GNA12: variants seen among roughly 807,000 people sequenced by gnomAD.
The protein encoded by GNA12 is G protein subunit alpha 12.
GNA12 carries 9 observed loss-of-function variants against 26.0 expected under a neutral mutation model. The ratio of observed to expected loss-of-function variants is 0.35; its 90% CI spans 0.21 to 0.60. The LOEUF is 0.60. GNA12 is among the 20% of genes least tolerant of loss of function. The probability of loss-of-function intolerance (pLI) is 0.78; values close to 1 mark genes in which losing one functional copy is unlikely to be tolerated. For synonymous variants in GNA12, 264 were observed against 219.6 expected (o/e 1.20, Z -1.79); for missense variants, 405 against 525.8 (o/e 0.77, Z 2.25).
chr7:2,762,306 C>T, intron 2 of GNA12: 1 of 291,210 alleles, frequency 3.4e-6, no homozygotes, highest in Non-Finnish European at 6.3e-6. Context: ...CGTGCACCCA[C>T]CACTCACGCC....
At chr7:2,786,111 TG>T (rs1792355165) in intron 2 of GNA12, among the ~76,000 whole-genome samples, 1 of 152,074 alleles carries the variant, frequency 6.6e-6, no homozygotes, top group African/African-American at 2.4e-5. Context: ...GAGGCCATGG[TG>T]GGAGATGGTT....
chr7:2,771,184 G>A (rs990040880), intron 2 of GNA12, among the ~76,000 whole-genome samples: 1 of 152,012 alleles, frequency 6.6e-6, no homozygotes, highest in South Asian at 2.1e-4. Flanking sequence ...CCAGCTACTC[G>A]GGAGGCCGGG....
chr7:2,837,112 C>T (rs1229414952), intron 1 of GNA12, among the ~76,000 whole-genome samples: 1 of 151,870 alleles, frequency 6.6e-6, no homozygotes, highest in African/African-American at 2.4e-5. Context: ...CCATTCTCTG[C>T]CTGGAAGAAG....
chr7:2,820,404 T>TTTTA (rs1793323435), intron 1 of GNA12, among the ~76,000 whole-genome samples: 1 of 147,068 alleles, frequency 6.8e-6, no homozygotes, highest in African/African-American at 2.6e-5. Flanking sequence ...AATAAAGCTT[T>TTTTA]TTTTTTTTTT....
Position 2,731,776 on chromosome 7 carries a change from A to G in GNA12, c.577-26T>C. ...CTGTAAAATACAGGATGAGGCAGAA[A>G]TTTAGGGGGAGGAAGAAAGAACAGA... is the stretch of plus-strand genomic sequence containing the variant. On this transcript the variant is annotated intron_variant, in intron 3 of 3. Coordinates refer to ENST00000275364, the MANE Select transcript of GNA12 (RefSeq NM_007353.3). The surrounding 1 kb of genome is among the most constrained non-coding windows in gnomAD (Gnocchi z 6.0). The G allele has an allele frequency of 2.5e-5, 30 of 1,182,912 alleles. No individual in the cohort carries two copies. The highest frequency in any genetic ancestry group is 3.4e-5 in the Non-Finnish European group (29 of 856,416). 73.3% of individuals were successfully genotyped at this position (1,182,912 alleles called of 1,614,324 possible).
intron 2 of GNA12, among the ~76,000 whole-genome samples, chr7:2,792,247 GA>G (rs1440601415): frequency 6.6e-6 from 1 of 152,236 alleles, no homozygotes; most frequent in Non-Finnish European, 1.5e-5. Flanking sequence ...ATGAATGAAT[GA>G]GTGAAGAAGG....
intron 2 of GNA12, among the ~76,000 whole-genome samples, chr7:2,743,839 C>G (rs2115337278): frequency 6.6e-6 from 1 of 152,158 alleles, no homozygotes; most frequent in South Asian, 2.1e-4. Flanking sequence ...CTGCACTTTC[C>G]CAACAGGCTT....
At chr7:2,837,101 C>T (rs1357765002) in intron 1 of GNA12, among the ~76,000 whole-genome samples, 2 of 152,170 alleles carry the variant, frequency 1.3e-5, no homozygotes, top group Non-Finnish European at 2.9e-5. Context: ...GATCTCACCT[C>T]CCATTCTCTG....
intron 2 of GNA12, among the ~76,000 whole-genome samples, chr7:2,759,699 A>G (rs1791467951): frequency 1.3e-5 from 2 of 152,168 alleles, no homozygotes; most frequent in Non-Finnish European, 2.9e-5. Context: ...TTCTGTAGTC[A>G]TACAGGATAG....
intron 1 of GNA12, among the ~76,000 whole-genome samples, chr7:2,797,044 G>A (rs767553330): frequency 9.9e-5 from 15 of 152,236 alleles, no homozygotes; most frequent in Admixed American, 2.6e-4. Flanking sequence ...ATCTGGAAAA[G>A]CCTTCTCATC....
chr7:2,830,722 T>C (rs1281142134), intron 1 of GNA12, among the ~76,000 whole-genome samples: 1 of 152,180 alleles, frequency 6.6e-6, no homozygotes, highest in Non-Finnish European at 1.5e-5. Context: ...AAGCCCAACC[T>C]GACCTTACAG....
intron 1 of GNA12, among the ~76,000 whole-genome samples, chr7:2,805,106 A>G (rs557443708): frequency 6.6e-6 from 1 of 152,316 alleles, no homozygotes; most frequent in South Asian, 2.1e-4. Flanking sequence ...GAGCCTTTCC[A>G]CAAAGCCTTT....
Position 2,788,558 on chromosome 7 carries a change from A to G in GNA12, c.525+6370T>C, listed in dbSNP as rs147241737. On this transcript the variant is annotated intron_variant, in intron 2 of 3. Coordinates refer to ENST00000275364, the MANE Select transcript of GNA12 (RefSeq NM_007353.3). ...TTTCAAAAGTAAGTCATGAAAAACA[A>G]TAAGTAGTTCCACTTATTCAGGCAA... Among the ~76,000 whole-genome samples, 650 of 152,350 alleles carry G rather than the reference A, an allele frequency of 4.3e-3. 6 individuals are homozygous for G. Among genetic ancestry groups the G allele is most frequent in the African/African-American group, 0.015 (617 of 41,568 alleles).
chr7:2,747,868 AACAG>A (rs1035126814), intron 2 of GNA12, among the ~76,000 whole-genome samples: 13 of 152,280 alleles, frequency 8.5e-5, no homozygotes, highest in Admixed American at 2.0e-4. Context: ...ATACACCAAT[AACAG>A]ACAAACAGCC....
intron 1 of GNA12, among the ~76,000 whole-genome samples, chr7:2,841,580 T>G (rs1028334551): frequency 1.4e-5 from 2 of 138,826 alleles, no homozygotes; most frequent in African/African-American, 3.4e-5. Context: ...ACCGAGAGGC[T>G]TGGAAAGAGG....
intron 2 of GNA12, among the ~76,000 whole-genome samples, chr7:2,787,402 G>A (rs1463841326): frequency 6.6e-6 from 1 of 152,098 alleles, no homozygotes; most frequent in Non-Finnish European, 1.5e-5. Context: ...CCCTCCACAG[G>A]CACCACGAGC....
At chr7:2,748,517 G>A (rs962581272) in intron 2 of GNA12, among the ~76,000 whole-genome samples, 2 of 152,026 alleles carry the variant, frequency 1.3e-5, no homozygotes, top group Non-Finnish European at 2.9e-5. Flanking sequence ...ATTCAAGATG[G>A]ATTAAAGACT....
chr7:2,798,411 T>C (rs1792730605), intron 1 of GNA12, among the ~76,000 whole-genome samples: 1 of 152,170 alleles, frequency 6.6e-6, no homozygotes, highest in African/African-American at 2.4e-5. Context: ...GAAAGTGAAA[T>C]GAAAGATGTA....
intron 1 of GNA12, chr7:2,815,317 C>T (rs574204346): frequency 1.5e-5 from 3 of 200,036 alleles, no homozygotes; most frequent in Non-Finnish European, 3.1e-5. Context: ...TAAGGAGGGG[C>T]CGGCTGCGCA....
Sources: allele counts gnomAD v4.1 joint callset (sites outside exome capture counted in the v4.1 genomes callset), GRCh38; gene constraint gnomAD v4.1.1; non-coding constraint Gnocchi (gnomAD v3.1); transcripts MANE v1.5; gene names NCBI Gene and HGNC (gene_info 2026-07-23, HGNC 2026-07-21).